The following PPP1R3A variants were observed in gnomAD, a reference collection of about 807,000 sequenced individuals.
The protein encoded by PPP1R3A is protein phosphatase 1 regulatory subunit 3A.
PPP1R3A carries 29 observed loss-of-function variants against 41.7 expected under a neutral mutation model. The ratio of observed to expected loss-of-function variants is 0.70; its 90% confidence interval spans 0.52 to 0.95. The LOEUF (loss-of-function observed/expected upper bound fraction) is 0.95, where lower values mean the gene tolerates loss of function less well. PPP1R3A is among the 40% of genes least tolerant of loss of function. The pLI is 0.00. For missense variants in PPP1R3A, 1,352 were observed against 1,292.4 expected, an observed-to-expected ratio of 1.05 and a Z score of -0.71; for synonymous variants, 485 against 453.4, an observed-to-expected ratio of 1.07 and a Z score of -0.89.
At position 113,878,243 on chromosome 7, in the gene PPP1R3A, G is replaced by A. The variant is rs779568010; in HGVS notation, c.2849C>T (p.Ser950Leu). ...TMASQPISTK[S>L]ENICNSTREI... The stretch of plus-strand genomic sequence containing the variant: ...TCTTGTTGAATTACAAATATTTTCT[G>A]ATTTCGTAGAAATAGGTTGGCTAGC... The change falls in exon 4 of 4, where the codon TCA becomes TTA. Residue 950 changes from serine (S) to leucine (L), a missense_variant. Transcript: ENST00000284601. 5 of 1,613,134 alleles carry A rather than the reference G, an allele frequency of 3.1e-6. No individual in the cohort carries two copies. In the Admixed American group the frequency reaches 8.4e-5, roughly 27 times the overall value.
rs202058022 is a variant in PPP1R3A at position 113,887,385 on chromosome 7, ATC to A, written c.783-5067_783-5066del. 1.3e-3 allele frequency among the ~76,000 whole-genome samples: 194 copies of A among 152,176 alleles called. 3 individuals carry two copies. The East Asian group carries it at 0.031, about 24-fold the overall frequency. On this transcript the variant is annotated intron_variant, in intron 1 of 3. Transcript: ENST00000284601. ...GTTTTTCTAATAGATATTTTAAAAT[ATC>A]TGTGTGTCATGAATTATAACAAACA...
At chr7:113,900,949 A>T (rs1797051608) in intron 1 of PPP1R3A, among the ~76,000 whole-genome samples, 2 of 151,348 alleles carry the variant, frequency 1.3e-5, no homozygotes, top group Non-Finnish European at 3.0e-5. Context: ...GTTTTTTTTT[A>T]AATAATGCTG....
intron 1 of PPP1R3A, among the ~76,000 whole-genome samples, chr7:113,913,996 A>G (rs1797297198): frequency 6.6e-6 from 1 of 152,028 alleles, no homozygotes; most frequent in South Asian, 2.1e-4. Context: ...TCAGAACCTG[A>G]CATACAGTTC....
intron 1 of PPP1R3A, among the ~76,000 whole-genome samples, chr7:113,916,364 G>A (rs1198174970): frequency 2.6e-5 from 4 of 152,034 alleles, no homozygotes; most frequent in Non-Finnish European, 5.9e-5. Flanking sequence ...ACAAATGTAT[G>A]TGTGGATACA....
intron 1 of PPP1R3A, among the ~76,000 whole-genome samples, chr7:113,894,013 G>A (rs1046493035): frequency 6.6e-6 from 1 of 151,878 alleles, no homozygotes; most frequent in African/African-American, 2.4e-5. Flanking sequence ...GGTAGGTGGT[G>A]GTGTTTTTTT....
rs1797329504 is a variant in PPP1R3A at position 113,915,636 on chromosome 7, T to A, written c.782+2579A>T. On this transcript the variant is annotated intron_variant, in intron 1 of 3. Coordinates refer to ENST00000284601, the MANE Select transcript of PPP1R3A (RefSeq NM_002711.4). The stretch of plus-strand genomic sequence containing the variant: ...ATACACATACATATATATACATATA[T>A]ATATTCTGTTTTTACCTTCTGAAAG... Among the ~76,000 whole-genome samples, 8 of 149,730 alleles carry A rather than the reference T, an allele frequency of 5.3e-5. No homozygotes were observed. The Admixed American group carries it at 5.4e-4, about 10-fold the overall frequency.
chr7:113,896,692 T>C (rs1796981308), intron 1 of PPP1R3A, among the ~76,000 whole-genome samples: 1 of 151,676 alleles, frequency 6.6e-6, no homozygotes, highest in Non-Finnish European at 1.5e-5. Context: ...AAGAATGCAA[T>C]TAAATCAAGT....
At chr7:113,889,259 G>C (rs1325093920) in intron 1 of PPP1R3A, among the ~76,000 whole-genome samples, 1 of 152,070 alleles carries the variant, frequency 6.6e-6, no homozygotes, top group East Asian at 1.9e-4. Context: ...AAACCCAGTT[G>C]CCCTGCTTCT....
rs1422760825 is a variant in PPP1R3A at position 113,878,258 on chromosome 7, G to C, written c.2834C>G (p.Pro945Arg). Reference sequence around the variant, plus strand: ...AATATTTTCTGATTTCGTAGAAATAGGTTGGCTAGCCATGGTAGTAACTGC... The same window carrying C: ...AATATTTTCTGATTTCGTAGAAATACGTTGGCTAGCCATGGTAGTAACTGC... Reference protein sequence around the residue: ...ENAVTTMASQPISTKSENICN... With the variant: ...ENAVTTMASQRISTKSENICN... The change falls in exon 4 of 4, where the codon CCT becomes CGT. Residue 945 changes from proline (P) to arginine (R), a missense_variant. By Grantham distance (103) the Pro-to-Arg change is moderately radical. Transcript: ENST00000284601. 1 of 1,612,964 alleles carries C rather than the reference G, an allele frequency of 6.2e-7. No individual in the cohort carries two copies. The highest frequency in any genetic ancestry group is 1.7e-5 in the Admixed American group (1 of 59,822).
intron 1 of PPP1R3A, among the ~76,000 whole-genome samples, chr7:113,910,609 T>C (rs1797228648): frequency 6.6e-6 from 1 of 152,064 alleles, no homozygotes; most frequent in African/African-American, 2.4e-5. Context: ...ATATTAATCT[T>C]CAAAAGGTGA....
rs1796612249 is a variant in PPP1R3A at position 113,878,477 on chromosome 7, T to C, written c.2615A>G (p.Asp872Gly). The C allele has an allele frequency of 6.2e-7, 1 of 1,613,086 alleles. No individual in the cohort carries two copies. Residue 872 changes from aspartate to glycine, a missense_variant, in exon 4 of 4, where the codon GAC (aspartate) becomes GGC (glycine). Transcript: ENST00000284601. Reference sequence around the variant, plus strand: ...TCTGTTTTCTGAAAATACAGTTTTGTCTGTTGGTAACATTCCCAACTGTAA... The same window carrying C: ...TCTGTTTTCTGAAAATACAGTTTTGCCTGTTGGTAACATTCCCAACTGTAA... ...LDLQLGMLPTDKTVFSENRDL... is the reference protein window; with the variant it reads ...LDLQLGMLPTGKTVFSENRDL...
At chr7:113,882,509 G>A (rs1045999631) in intron 1 of PPP1R3A, among the ~76,000 whole-genome samples, 189 bp from the exon 2 acceptor site, 5 of 151,750 alleles carry the variant, frequency 3.3e-5, no homozygotes. Flanking sequence ...GTAAGTATTG[G>A]TTGTAGAAAA....
Position 113,877,859 on chromosome 7 carries a change from T to C in PPP1R3A, c.3233A>G (p.Tyr1078Cys). ...AAGAAATATCAGAAACAAAAGGAAA[T>C]AAGGTATTTTAGAGTTGGTATATTT... ...FSKYTNSKIPYFLLFLIFLIT... is the reference protein window; with the variant it reads ...FSKYTNSKIPCFLLFLIFLIT... The change falls in exon 4 of 4, where the codon TAT becomes TGT. Residue 1078 changes from tyrosine (Y) to cysteine (C), a missense_variant. Transcript: ENST00000284601. 2 of 1,610,606 alleles carry C rather than the reference T, an allele frequency of 1.2e-6. No homozygotes were observed. Among genetic ancestry groups the C allele is most frequent in the Non-Finnish European group, 1.7e-6 (2 of 1,177,262 alleles).
chr7:113,885,816 T>C (rs1343170964), intron 1 of PPP1R3A, among the ~76,000 whole-genome samples: 6 of 149,218 alleles, frequency 4.0e-5, no homozygotes, highest in African/African-American at 1.5e-4. Flanking sequence ...TAAACGACCC[T>C]TGCCATATAT....
intron 1 of PPP1R3A, among the ~76,000 whole-genome samples, chr7:113,891,653 C>A (rs1183604788): frequency 6.6e-6 from 1 of 152,018 alleles, no homozygotes; most frequent in Non-Finnish European, 1.5e-5. Flanking sequence ...TTGATTTATT[C>A]AGTGCCAGGA....
At chr7:113,884,815 T>A (rs1018303806) in intron 1 of PPP1R3A, among the ~76,000 whole-genome samples, 1 of 152,020 alleles carries the variant, frequency 6.6e-6, no homozygotes, top group Non-Finnish European at 1.5e-5. Context: ...CAAGAATACA[T>A]AATGAACTCC....
intron 1 of PPP1R3A, among the ~76,000 whole-genome samples, chr7:113,906,027 T>C (rs1797139924): frequency 6.6e-6 from 1 of 151,842 alleles, no homozygotes; most frequent in Admixed American, 6.6e-5. Context: ...AAAATTATGA[T>C]GGTGCAATTA....
In PPP1R3A at chr7:113,879,737, T is replaced by C. The variant is rs1796653552; in HGVS notation, c.1355A>G (p.Gln452Arg). Residue 452 changes from glutamine (Q) to arginine (R), a missense_variant, in exon 4 of 4, where the codon CAA becomes CGA. Coordinates refer to ENST00000284601, the MANE Select transcript of PPP1R3A (RefSeq NM_002711.4). ...ANPAHGNGTV[Q>R]IPCPSSDQLM... ...TTGATCTGAAGAGGGGCAAGGTATT[T>C]GCACTGTGCCATTGCCATGGGCTGG... is the stretch of plus-strand genomic sequence containing the variant. 6.2e-7 allele frequency: 1 copy of C among 1,613,370 alleles called. No individual in the cohort carries two copies. The highest frequency in any genetic ancestry group is 8.5e-7 in the Non-Finnish European group (1 of 1,179,698).
At chr7:113,909,929 T>C (rs1797214502) in intron 1 of PPP1R3A, among the ~76,000 whole-genome samples, 1 of 152,046 alleles carries the variant, frequency 6.6e-6, no homozygotes, top group Non-Finnish European at 1.5e-5. Flanking sequence ...ACACTGCTAA[T>C]AAAGAGATAC....
Sources: gnomAD v4.1 joint callset for allele counts (sites outside exome capture counted in the v4.1 genomes callset) on GRCh38, gnomAD v4.1.1 for gene constraint, MANE v1.5 for transcripts, NCBI Gene and HGNC (gene_info 2026-07-23, HGNC 2026-07-21) for gene names.